Variants in PPP1R9A observed in about 807,000 individuals in gnomAD.
PPP1R9A encodes protein phosphatase 1 regulatory subunit 9A.
A neutral mutation model predicts 141.9 loss-of-function variants in PPP1R9A; 59 were observed. The ratio of observed to expected loss-of-function variants is 0.42; its 90% CI spans 0.34 to 0.52. The LOEUF (loss-of-function observed/expected upper bound fraction) is 0.52. Among genes scored for constraint, PPP1R9A ranks in the 20% least tolerant of loss-of-function variants. PPP1R9A has a pLI of 0.10. For synonymous variants in PPP1R9A, 500 were observed against 569.7 expected, an observed-to-expected ratio of 0.88 and a Z score of 1.74; for missense variants, 1,444 against 1,611.9, an observed-to-expected ratio of 0.90 and a Z score of 1.78.
At chr7:95,012,819 G>A (rs1011053353) in intron 2 of PPP1R9A, among the ~76,000 whole-genome samples, 3 of 152,174 alleles carry the variant, frequency 2.0e-5, no homozygotes, top group Non-Finnish European at 4.4e-5. Flanking sequence ...ATGTAATGAT[G>A]TGAAAAGTTG....
chr7:94,917,157 T>A (rs554625321), intron 2 of PPP1R9A, among the ~76,000 whole-genome samples: 3 of 152,108 alleles, frequency 2.0e-5, no homozygotes, highest in Non-Finnish European at 4.4e-5. Context: ...TAAATTTTTA[T>A]GTTTTATGAC....
In PPP1R9A at chr7:95,216,095, T is replaced by C. The variant is rs538364965; in HGVS notation, c.1957-9866T>C. Among the ~76,000 whole-genome samples, 6 of 152,368 alleles carry C rather than the reference T, an allele frequency of 3.9e-5. No individual in the cohort carries two copies. In the South Asian group the frequency reaches 1.0e-3, roughly 26 times the overall value. On this transcript the variant is annotated intron_variant, in intron 7 of 19. Coordinates refer to ENST00000433360, the MANE Select transcript of PPP1R9A (RefSeq NM_001166160.2). ...TGCCTAGGTTTTCCTCTAGGGTTTT[T>C]ATGGTTTTAGGTCTAACATTTAAGT...
In PPP1R9A at chr7:95,250,663, C is replaced by T. The variant is rs116068667; in HGVS notation, c.2396+408C>T. Reference sequence around the variant, plus strand: ...CTGGGGCCTGAATCAGGCTGCTCCTCTCTATTCTTAGATCAGTAACTACAG... The same window carrying T: ...CTGGGGCCTGAATCAGGCTGCTCCTTTCTATTCTTAGATCAGTAACTACAG... On this transcript the variant is annotated intron_variant, in intron 10 of 19. Coordinates refer to ENST00000433360, the MANE Select transcript of PPP1R9A (RefSeq NM_001166160.2). Among the ~76,000 whole-genome samples, 1,325 of 152,290 alleles carry T rather than the reference C, an allele frequency of 8.7e-3. 16 individuals carry two copies. Among genetic ancestry groups the T allele is most frequent in the African/African-American group, 0.031 (1,275 of 41,556 alleles).
In PPP1R9A at chr7:95,259,909, T is replaced by G. The variant is rs538328733; in HGVS notation, c.2665+7779T>G. On this transcript the variant is annotated intron_variant, in intron 12 of 19. Coordinates refer to ENST00000433360, the MANE Select transcript of PPP1R9A (RefSeq NM_001166160.2). ...TAGATTCAGCCTTTTTAAAAATATA[T>G]ATATATTTTTTGCATACAGATATAA... is the stretch of plus-strand genomic sequence containing the variant. 1.1e-4 allele frequency among the ~76,000 whole-genome samples: 16 copies of G among 152,224 alleles called. No individual in the cohort carries two copies. In the South Asian group the frequency reaches 3.3e-3, roughly 32 times the overall value.
intron 2 of PPP1R9A, among the ~76,000 whole-genome samples, chr7:94,996,691 TA>T (rs1802213355): frequency 6.6e-6 from 1 of 152,182 alleles, no homozygotes; most frequent in Admixed American, 6.5e-5. Context: ...ACTTAGGCTC[TA>T]TTAATTTTTT....
chr7:95,292,981 C>G lies in PPP1R9A; in HGVS notation c.*2678C>G, dbSNP rs1303466690. 2.0e-5 allele frequency: 3 copies of G among 152,136 alleles called. No homozygotes were observed. Among genetic ancestry groups the G allele is most frequent in the Non-Finnish European group, 2.9e-5 (2 of 68,040 alleles). 9.4% of individuals were successfully genotyped at this position (152,136 alleles called of 1,614,324 possible). A position where few individuals can be genotyped will look rare whatever the true frequency, so the allele number is the denominator to read the frequency against. On this transcript the variant is annotated 3_prime_UTR_variant, in exon 20 of 20. Transcript: ENST00000433360. ...ACAATTTAACACAGAATTGTTATTT[C>G]ATCAACCTTAAAAACTGCAGTTTTT...
intron 2 of PPP1R9A, among the ~76,000 whole-genome samples, chr7:94,943,001 G>C (rs1217534139): frequency 6.6e-6 from 1 of 151,958 alleles, no homozygotes; most frequent in African/African-American, 2.4e-5. Flanking sequence ...TTGCTACAAT[G>C]ATTCTGGGTG....
At chr7:94,974,343 T>G (rs947798738) in intron 2 of PPP1R9A, among the ~76,000 whole-genome samples, 7 of 152,070 alleles carry the variant, frequency 4.6e-5, no homozygotes, top group Non-Finnish European at 7.4e-5. Context: ...GATAGAGAAA[T>G]GGAAATTAGG....
intron 2 of PPP1R9A, among the ~76,000 whole-genome samples, chr7:94,982,794 T>C (rs1164569009): frequency 6.6e-6 from 1 of 152,184 alleles, no homozygotes; most frequent in Non-Finnish European, 1.5e-5. Context: ...ACTCTGATGG[T>C]AGTTTCTTTT....
intron 12 of PPP1R9A, among the ~76,000 whole-genome samples, chr7:95,256,061 G>A (rs1464535260): frequency 6.6e-6 from 1 of 152,040 alleles, no homozygotes; most frequent in African/African-American, 2.4e-5. Context: ...TCCCAAAAGT[G>A]TGAACAAGGA....
chr7:94,938,483 T>A lies in PPP1R9A; in HGVS notation c.1395+26975T>A, dbSNP rs147577956. Among the ~76,000 whole-genome samples the A allele has an allele frequency of 3.7e-3, 565 of 152,226 alleles. 21 individuals are homozygous for A. Among genetic ancestry groups the A allele is most frequent in the East Asian group, 0.032 (164 of 5,180 alleles). On this transcript the variant is annotated intron_variant, in intron 2 of 19. Coordinates refer to ENST00000433360, the MANE Select transcript of PPP1R9A (RefSeq NM_001166160.2). ...TTTTTTTTTCTTAGTATGAGTATGTTGACTGTGGCACTGCTATTACTAGGA... is the reference window on the plus strand; with the variant it reads ...TTTTTTTTTCTTAGTATGAGTATGTAGACTGTGGCACTGCTATTACTAGGA...
At chr7:95,022,971 A>T (rs145450878) in intron 2 of PPP1R9A, among the ~76,000 whole-genome samples, 2,040 of 152,260 alleles carry the variant, frequency 0.013, 51 homozygotes, top group African/African-American at 0.047. Flanking sequence ...AGGTTTTGGT[A>T]TCAGGATGAT....
chr7:94,970,344 T>C (rs1297363069), intron 2 of PPP1R9A, among the ~76,000 whole-genome samples: 1 of 152,180 alleles, frequency 6.6e-6, no homozygotes, highest in Non-Finnish European at 1.5e-5. Flanking sequence ...GTATCTGGGC[T>C]GGAGTGAACC....
chr7:95,150,598 G>A (rs901713194), intron 4 of PPP1R9A, among the ~76,000 whole-genome samples: 5 of 152,080 alleles, frequency 3.3e-5, no homozygotes, highest in South Asian at 2.1e-4. Flanking sequence ...CACCGCGTCC[G>A]GCTGGCAATG....
intron 2 of PPP1R9A, among the ~76,000 whole-genome samples, chr7:94,935,339 T>A (rs1294221180): frequency 6.6e-6 from 1 of 152,204 alleles, no homozygotes; most frequent in Non-Finnish European, 1.5e-5. Flanking sequence ...AGCCAAATGA[T>A]GACAACATGT....
chr7:94,959,651 A>G (rs1375986087), intron 2 of PPP1R9A, among the ~76,000 whole-genome samples: 2 of 151,706 alleles, frequency 1.3e-5, no homozygotes, highest in African/African-American at 2.4e-5. Flanking sequence ...TACTATGTTT[A>G]GTGCTAATAA....
At chr7:95,058,518 T>A (rs1811792827) in intron 2 of PPP1R9A, among the ~76,000 whole-genome samples, 1 of 152,038 alleles carries the variant, frequency 6.6e-6, no homozygotes, top group African/African-American at 2.4e-5. Flanking sequence ...AGTGTCTGGT[T>A]AAAGGAGAAA....
At chr7:95,010,871 T>C (rs1804320226) in intron 2 of PPP1R9A, among the ~76,000 whole-genome samples, 1 of 152,176 alleles carries the variant, frequency 6.6e-6, no homozygotes, top group Non-Finnish European at 1.5e-5. Flanking sequence ...TATTCTTATA[T>C]TGATGTTCTG....
chr7:95,027,049 C>T (rs1026388185), intron 2 of PPP1R9A, among the ~76,000 whole-genome samples: 7 of 152,134 alleles, frequency 4.6e-5, no homozygotes, highest in Non-Finnish European at 8.8e-5. Flanking sequence ...CTGAGCTAGA[C>T]CACTTGGCTC....
Sources: allele counts gnomAD v4.1 joint callset (sites outside exome capture counted in the v4.1 genomes callset), GRCh38; gene constraint gnomAD v4.1.1; transcripts MANE v1.5; gene names NCBI Gene and HGNC (gene_info 2026-07-23, HGNC 2026-07-21).